The following OTUD3 variants were observed in gnomAD, a reference collection of about 807,000 sequenced individuals.
OTUD3 encodes the protein OTU domain-containing protein 3.
OTUD3 carries 24 observed loss-of-function variants against 46.2 expected under a neutral mutation model. That is an observed-to-expected ratio of 0.52 (90% CI 0.38 to 0.73). OTUD3 has a LOEUF of 0.73. OTUD3 is among the 30% of genes least tolerant of loss of function. The pLI, the probability that OTUD3 is intolerant of heterozygous loss-of-function variation, is 0.00. For synonymous variants in OTUD3, 189 were observed against 195.4 expected (o/e 0.97, Z 0.27); for missense variants, 455 against 523.3 (o/e 0.87, Z 1.27).
chr1:19,891,165 T>TCTCACCCAAACCCCAAACA (rs1453107522), intron 2 of OTUD3, among the ~76,000 whole-genome samples: 16 of 152,226 alleles, frequency 1.1e-4, no homozygotes, highest in African/African-American at 3.6e-4. Flanking sequence ...CATGTTAATT[T>TCTCACCCAAACCCCAAACA]CTCACCCAAA....
At chr1:19,906,316 A>G in intron 6 of OTUD3, 116 bp from the exon 7 acceptor site, 1 of 832,136 alleles carries the variant, frequency 1.2e-6, no homozygotes, top group South Asian at 2.8e-5. Context: ...TCTCAAGGAA[A>G]CTTACTTCCC....
intron 1 of OTUD3, among the ~76,000 whole-genome samples, chr1:19,887,082 CTTTTTTTTTTT>C (rs35763768): frequency 2.2e-5 from 3 of 133,484 alleles, no homozygotes; most frequent in African/African-American, 8.5e-5. Flanking sequence ...TTTTCTTTTT[CTTTTTTTTTTT>C]TTTTTGGAGA....
intron 4 of OTUD3, among the ~76,000 whole-genome samples, chr1:19,901,892 A>AT (rs1399461027): frequency 1.3e-5 from 2 of 152,008 alleles, no homozygotes; most frequent in African/African-American, 2.4e-5. Flanking sequence ...TGGAGAGATG[A>AT]TTTTTTGTGC....
Position 19,907,606 on chromosome 1 carries a change from G to C in OTUD3, c.1057G>C (p.Glu353Gln). 1.2e-6 allele frequency: 2 copies of C among 1,614,136 alleles called. No individual in the cohort carries two copies. The highest frequency in any genetic ancestry group is 1.7e-6 in the Non-Finnish European group (2 of 1,180,012). Residue 353 changes from glutamate (E) to glutamine (Q), a missense_variant, in exon 8 of 8, where the codon GAG (glutamate) becomes CAG (glutamine). Coordinates refer to ENST00000375120, the MANE Select transcript of OTUD3 (RefSeq NM_015207.2). ...ACAGAGGCGAGAACAGCAGTGGATGGAGAAGAAGAAGCGGCAGGAGGAGAG... is the reference window on the plus strand; with the variant it reads ...ACAGAGGCGAGAACAGCAGTGGATGCAGAAGAAGAAGCGGCAGGAGGAGAG... Reference protein sequence around the residue: ...NKQRREQQWMEKKKRQEERHR... With the variant: ...NKQRREQQWMQKKKRQEERHR...
intron 6 of OTUD3, among the ~76,000 whole-genome samples, chr1:19,905,812 A>G (rs758043037): frequency 2.6e-5 from 4 of 152,250 alleles, no homozygotes; most frequent in Admixed American, 6.5e-5. Flanking sequence ...ATCAATAAAT[A>G]CTGATTGCCA....
chr1:19,902,308 C>G (rs1446984555), intron 4 of OTUD3, among the ~76,000 whole-genome samples: 2 of 152,164 alleles, frequency 1.3e-5, no homozygotes, highest in East Asian at 3.9e-4. Flanking sequence ...CGGGTTCACG[C>G]CATTCTTCTG....
In OTUD3 at chr1:19,907,673, A is replaced by G; in HGVS notation, c.1124A>G (p.Asp375Gly). 1 of 1,614,232 alleles carries G rather than the reference A, an allele frequency of 6.2e-7. No homozygotes were observed. Among genetic ancestry groups the G allele is most frequent in the Non-Finnish European group, 8.5e-7 (1 of 1,180,040 alleles). ...CTGGAGAGCAGAGGTAGCCACAGGG[A>G]CAATAACAGAAGCGAAGCAGAGGCG... is the stretch of plus-strand genomic sequence containing the variant. ...KALESRGSHR[D>G]NNRSEAEANT... The change falls in exon 8 of 8, where the codon GAC becomes GGC. Residue 375 changes from aspartate (D) to glycine (G), a missense_variant. Physicochemically the swap from Asp to Gly is moderately conservative, Grantham distance 94. Transcript: ENST00000375120.
Position 19,909,861 on chromosome 1 carries a change from C to T in OTUD3, c.*2115C>T, listed in dbSNP as rs2045712130. The T allele has an allele frequency of 6.6e-6, 1 of 152,316 alleles. No homozygotes were observed. Among genetic ancestry groups the T allele is most frequent in the South Asian group, 2.1e-4 (1 of 4,832 alleles). 9.4% of individuals were successfully genotyped at this position (152,316 alleles called of 1,614,324 possible). A position where few individuals can be genotyped will look rare whatever the true frequency, so the allele number is the denominator to read the frequency against. On this transcript the variant is annotated 3_prime_UTR_variant, in exon 8 of 8. Transcript: ENST00000375120. ...ACCTAATTCTGGTAATAGGCTTCAG[C>T]ATTTCTGGAGTATAATAATGGTGGT...
chr1:19,897,468 A>G, intron 3 of OTUD3, 72 bp from the exon 4 acceptor site: 1 of 1,545,610 alleles, frequency 6.5e-7, no homozygotes, highest in Non-Finnish European at 8.9e-7. Context: ...TCAGCAGTCC[A>G]GGTGGGTGTT....
intron 6 of OTUD3, among the ~76,000 whole-genome samples, chr1:19,905,500 T>C (rs539835808): frequency 6.6e-6 from 1 of 152,060 alleles, no homozygotes; most frequent in African/African-American, 2.4e-5. Context: ...CCCAGCACTT[T>C]GGGAGGCTGA....
chr1:19,910,756 G>A lies in OTUD3; in HGVS notation c.*3010G>A, dbSNP rs747247395. 11 of 152,288 alleles carry A rather than the reference G, an allele frequency of 7.2e-5. No homozygotes were observed. The highest frequency in any genetic ancestry group is 1.5e-4 in the Non-Finnish European group (10 of 68,028). The allele number at this position is 152,288 out of a possible 1,614,324, so 9.4% of individuals were successfully genotyped here. A position where few individuals can be genotyped will look rare whatever the true frequency, so the allele number is the denominator to read the frequency against. On this transcript the variant is annotated 3_prime_UTR_variant, in exon 8 of 8. Transcript: ENST00000375120. ...CTGGCTGGGAGGGAGCCTCTCCATG[G>A]GTAATTTATTATGCCTGCCCTGCTT...
chr1:19,906,402 C>A, intron 6 of OTUD3, 30 bp from the exon 7 acceptor site: 1 of 1,605,328 alleles, frequency 6.2e-7, no homozygotes, highest in Non-Finnish European at 8.5e-7. Context: ...CTCAGGTTCT[C>A]AGTTTTAATG....
At chr1:19,889,510 A>G (rs2045419196) in intron 1 of OTUD3, among the ~76,000 whole-genome samples, 1 of 152,160 alleles carries the variant, frequency 6.6e-6, no homozygotes, top group Non-Finnish European at 1.5e-5. Context: ...AAAACTGGAC[A>G]ACTGTTTGGC....
chr1:19,896,467 G>T (rs1324154657), intron 3 of OTUD3, among the ~76,000 whole-genome samples: 1 of 152,050 alleles, frequency 6.6e-6, no homozygotes, highest in Non-Finnish European at 1.5e-5. Context: ...CTCTTCCTGG[G>T]AGACAAATGG....
intron 4 of OTUD3, among the ~76,000 whole-genome samples, chr1:19,898,435 A>G (rs1008147532): frequency 6.6e-6 from 1 of 152,022 alleles, no homozygotes; most frequent in African/African-American, 2.4e-5. Flanking sequence ...GTTTTTAAAA[A>G]TTAACATCAT....
intron 1 of OTUD3, among the ~76,000 whole-genome samples, chr1:19,888,826 TTCTGTG>T (rs1364377759): frequency 5.3e-5 from 8 of 152,210 alleles, no homozygotes; most frequent in Admixed American, 1.3e-4. Context: ...TTGTGTGTGT[TTCTGTG>T]TCTGTGTATG....
At chr1:19,892,479 C>T (rs532025281) in intron 2 of OTUD3, among the ~76,000 whole-genome samples, 1 of 152,286 alleles carries the variant, frequency 6.6e-6, no homozygotes, top group East Asian at 1.9e-4. Context: ...GTTCACTATA[C>T]TATTAAGGAC....
chr1:19,896,224 T>G (rs2045515185), intron 3 of OTUD3, among the ~76,000 whole-genome samples: 1 of 152,132 alleles, frequency 6.6e-6, no homozygotes, highest in South Asian at 2.1e-4. Flanking sequence ...AAACCTACAT[T>G]TTTTTTCTGG....
At chr1:19,891,042 C>T (rs566827268) in intron 2 of OTUD3, among the ~76,000 whole-genome samples, 4 of 152,210 alleles carry the variant, frequency 2.6e-5, no homozygotes, top group East Asian at 1.9e-4. Flanking sequence ...CCTTAGTAAG[C>T]GTTAGCCATC....
Sources: allele counts gnomAD v4.1 joint callset (sites outside exome capture counted in the v4.1 genomes callset), GRCh38; gene constraint gnomAD v4.1.1; transcripts MANE v1.5; gene names NCBI Gene and HGNC (gene_info 2026-07-23, HGNC 2026-07-21).